Variants in KDM5B observed in about 807,000 individuals in gnomAD.
KDM5B encodes the protein lysine demethylase 5B, also known as lysine-specific demethylase 5B.
Under a neutral mutation model 193.4 loss-of-function variants are expected in KDM5B, and 144 were observed. The ratio of observed to expected loss-of-function variants is 0.74; its 90% CI spans 0.65 to 0.86. The LOEUF is 0.86. Ranked by LOEUF, KDM5B falls within the 40% of genes least tolerant of loss-of-function variation. KDM5B has a pLI of 0.00. For synonymous variants in KDM5B, 668 were observed against 682.6 expected, an observed-to-expected ratio of 0.98 and a Z score of 0.33; for missense variants, 1,833 against 1,886.9, an observed-to-expected ratio of 0.97 and a Z score of 0.53.
At chr1:202,747,592 T>C (rs1655613931) in intron 14 of KDM5B, among the ~76,000 whole-genome samples, 1 of 150,842 alleles carries the variant, frequency 6.6e-6, no homozygotes, top group Non-Finnish European at 1.5e-5. Context: ...AAAAACAGTA[T>C]TACTATTTGC....
intron 16 of KDM5B, among the ~76,000 whole-genome samples, chr1:202,743,357 A>C (rs1019047351): frequency 1.4e-5 from 2 of 146,862 alleles, no homozygotes; most frequent in South Asian, 2.1e-4. Context: ...AAAAAAAAAA[A>C]AAAAAAACAC....
intron 25 of KDM5B, 56 bp from the exon 26 acceptor site, chr1:202,730,083 C>A (rs1654826729): frequency 1.5e-6 from 2 of 1,376,354 alleles, no homozygotes; most frequent in Non-Finnish European, 2.0e-6. Context: ...ATTACTAAAA[C>A]TAATGAAGCT....
intron 6 of KDM5B, among the ~76,000 whole-genome samples, chr1:202,763,553 G>A (rs1656333515): frequency 6.6e-6 from 1 of 152,004 alleles, no homozygotes; most frequent in South Asian, 2.1e-4. Context: ...ATTTGTATGT[G>A]CCTCCTATAT....
chr1:202,786,350 T>C (rs1657412367), intron 1 of KDM5B, among the ~76,000 whole-genome samples: 1 of 152,116 alleles, frequency 6.6e-6, no homozygotes, highest in Non-Finnish European at 1.5e-5. Context: ...TTGTTAGATT[T>C]CCATGCTTAA....
Position 202,729,055 on chromosome 1 carries a change from T to A in KDM5B, c.4616A>T (p.Asp1539Val). 4.3e-6 allele frequency: 7 copies of A among 1,614,084 alleles called. No homozygotes were observed. The highest frequency in any genetic ancestry group is 5.9e-6 in the Non-Finnish European group (7 of 1,179,982). Reference protein sequence around the residue: ...DYICVRCTVKDAPSRK With the variant: ...DYICVRCTVKVAPSRK ...GTGTTTTTACTTTCGGCTTGGTGCG[T>A]CCTTCACAGTACAGCGCACACAGAT... Residue 1539 changes from aspartate (D) to valine (V), a missense_variant, in exon 27 of 27, where the codon GAC (aspartate) becomes GTC (valine). Coordinates refer to ENST00000367265, the MANE Select transcript of KDM5B (RefSeq NM_006618.5).
intron 23 of KDM5B, 99 bp from the exon 24 acceptor site, chr1:202,732,038 A>AG (rs749631667): frequency 3.9e-4 from 196 of 504,012 alleles, no homozygotes; most frequent in Middle Eastern, 8.3e-4. Flanking sequence ...GCAGGCAACC[A>AG]GGGGAAAAAA....
intron 1 of KDM5B, among the ~76,000 whole-genome samples, chr1:202,786,191 TG>T (rs71142559): frequency 0.66 from 37,203 of 55,958 alleles, 11,879 homozygotes; most frequent in Non-Finnish European, 0.71. Flanking sequence ...AGACGGGGGG[TG>T]GGGGGGGGGG....
chr1:202,744,096 G>T (rs1655456458), intron 16 of KDM5B, among the ~76,000 whole-genome samples: 2 of 152,032 alleles, frequency 1.3e-5, no homozygotes, highest in Admixed American at 6.6e-5. Context: ...TCTGACAAAG[G>T]TCTAATATCC....
intron 1 of KDM5B, among the ~76,000 whole-genome samples, chr1:202,781,733 A>C (rs1657205348): frequency 6.6e-6 from 1 of 152,204 alleles, no homozygotes; most frequent in African/African-American, 2.4e-5. Context: ...TCAGAAATGA[A>C]TTGATCTGGG....
At chr1:202,789,885 G>A (rs945297097) in intron 1 of KDM5B, among the ~76,000 whole-genome samples, 1 of 152,016 alleles carries the variant, frequency 6.6e-6, no homozygotes, top group Admixed American at 6.6e-5. Context: ...CTATGGTGGC[G>A]CTGCTGCATT....
At position 202,726,394 on chromosome 1, in the gene KDM5B, G is replaced by C. The variant is rs1654674192; in HGVS notation, c.*2642C>G. ...TTACATAACCTTTCTCCAGGATAGAGGCTACATATAATCAAGCCCTTTATT... is the reference window on the plus strand; with the variant it reads ...TTACATAACCTTTCTCCAGGATAGACGCTACATATAATCAAGCCCTTTATT... On this transcript the variant is annotated 3_prime_UTR_variant, in exon 27 of 27. Coordinates refer to ENST00000367265, the MANE Select transcript of KDM5B (RefSeq NM_006618.5). 6.6e-6 allele frequency: 1 copy of C among 152,140 alleles called. No homozygotes were observed. The highest frequency in any genetic ancestry group is 1.5e-5 in the Non-Finnish European group (1 of 68,018). The allele number at this position is 152,140 out of a possible 1,614,324, so 9.4% of individuals were successfully genotyped here. A position where few individuals can be genotyped will look rare whatever the true frequency, so the allele number is the denominator to read the frequency against.
At chr1:202,802,342 AT>A (rs879545149) in intron 1 of KDM5B, among the ~76,000 whole-genome samples, 213 of 151,974 alleles carry the variant, frequency 1.4e-3, no homozygotes, top group Non-Finnish European at 2.1e-3. Context: ...AACAGGGTTC[AT>A]TTTTTTTAAT....
At chr1:202,794,908 A>G (rs187449875) in intron 1 of KDM5B, among the ~76,000 whole-genome samples, 30 of 152,332 alleles carry the variant, frequency 2.0e-4, no homozygotes, top group Non-Finnish European at 4.0e-4. Context: ...ATTAAACAAT[A>G]CACTGTAATA....
intron 14 of KDM5B, among the ~76,000 whole-genome samples, chr1:202,748,693 AC>A (rs1291810912): frequency 3.3e-5 from 5 of 152,244 alleles, no homozygotes; most frequent in African/African-American, 9.6e-5. Context: ...ACATAGTGAG[AC>A]CCTGTTTCTA....
At chr1:202,775,227 ACT>A (rs1337371927) in intron 2 of KDM5B, among the ~76,000 whole-genome samples, 1 of 148,642 alleles carries the variant, frequency 6.7e-6, no homozygotes. Flanking sequence ...AGACAGTAAG[ACT>A]CTGTCTCAAA....
intron 8 of KDM5B, among the ~76,000 whole-genome samples, chr1:202,759,449 G>A (rs1409852310): frequency 6.6e-6 from 1 of 151,900 alleles, no homozygotes. Context: ...GCTGAGACGG[G>A]AGGATCACTT....
Position 202,753,021 on chromosome 1 carries a change from G to C in KDM5B, c.1585C>G (p.Gln529Glu). The C allele has an allele frequency of 6.2e-7, 1 of 1,614,004 alleles. No homozygotes were observed. Among genetic ancestry groups the C allele is most frequent in the Non-Finnish European group, 8.5e-7 (1 of 1,179,950 alleles). ...WYGVPGYAAE[Q>E]LENVMKKLAP... ...AGTTTCTTCATTACATTTTCTAGCT[G>C]CTCAGCAGCATACCCTGGGACTCCA... The change falls in exon 12 of 27, where the codon CAG becomes GAG. Residue 529 changes from glutamine to glutamate, a missense_variant. By Grantham distance (29) the Gln-to-Glu change is conservative. This residue lies in a region of KDM5B where 1,379 missense variants were observed against 1,349.6 expected (regional missense o/e 1.02). Coordinates refer to ENST00000367265, the MANE Select transcript of KDM5B (RefSeq NM_006618.5).
chr1:202,790,050 G>A (rs940091909), intron 1 of KDM5B, among the ~76,000 whole-genome samples: 2 of 151,312 alleles, frequency 1.3e-5, no homozygotes, highest in Non-Finnish European at 2.9e-5. Context: ...GATCACCTGA[G>A]GTTGAGGGTT....
At position 202,725,909 on chromosome 1, in the gene KDM5B, C is replaced by G. The variant is rs955532713; in HGVS notation, c.*3127G>C. 2.0e-5 allele frequency: 3 copies of G among 152,192 alleles called. No individual in the cohort carries two copies. The highest frequency in any genetic ancestry group is 2.0e-4 in the Admixed American group (3 of 15,280). 9.4% of individuals were successfully genotyped at this position (152,192 alleles called of 1,614,324 possible). ...GAAAAACACCCATGGGTACTAAATA[C>G]CAATCAATACCTGCTCCAAGCCAGA... On this transcript the variant is annotated 3_prime_UTR_variant, in exon 27 of 27. Coordinates refer to ENST00000367265, the MANE Select transcript of KDM5B (RefSeq NM_006618.5).
Sources: gnomAD v4.1 joint callset for allele counts (sites outside exome capture counted in the v4.1 genomes callset) on GRCh38, gnomAD v4.1.1 for gene constraint, gnomAD v4.1.1 regional missense constraint, MANE v1.5 for transcripts, NCBI Gene and HGNC (gene_info 2026-07-23, HGNC 2026-07-21) for gene names.